MCF2L2: variants seen among roughly 807,000 people sequenced by gnomAD.
The protein encoded by MCF2L2 is MCF.2 cell line derived transforming sequence-like 2.
In MCF2L2, 102 loss-of-function variants were observed where a neutral mutation model predicts 150.2. That is an observed-to-expected ratio of 0.68 (90% CI 0.58 to 0.80). The LOEUF (loss-of-function observed/expected upper bound fraction) is 0.80, where lower values mean the gene tolerates loss of function less well. Among genes scored for constraint, MCF2L2 ranks in the 30% least tolerant of loss-of-function variants. The pLI is 0.00. For synonymous variants in MCF2L2, 465 were observed against 491.3 expected, an observed-to-expected ratio of 0.95 and a Z score of 0.71; for missense variants, 1,256 against 1,372.8, an observed-to-expected ratio of 0.91 and a Z score of 1.34.
At chr3:183,361,945 C>A (rs1195488653) in intron 3 of MCF2L2, among the ~76,000 whole-genome samples, 1 of 152,082 alleles carries the variant, frequency 6.6e-6, no homozygotes, top group Non-Finnish European at 1.5e-5. Flanking sequence ...GTTTCATGCA[C>A]AAAATTATTT....
chr3:183,193,514 C>A (rs962879416), intron 26 of MCF2L2, among the ~76,000 whole-genome samples: 1 of 152,078 alleles, frequency 6.6e-6, no homozygotes, highest in Non-Finnish European at 1.5e-5. Flanking sequence ...CCACACCCAG[C>A]TAATTTTTGT....
chr3:183,286,928 G>A (rs1727829066), intron 14 of MCF2L2, among the ~76,000 whole-genome samples: 2 of 152,204 alleles, frequency 1.3e-5, no homozygotes, highest in Admixed American at 1.3e-4. Context: ...TTGTAACATG[G>A]ACTTGTGCTT....
intron 2 of MCF2L2, among the ~76,000 whole-genome samples, chr3:183,387,435 T>G (rs956826558): frequency 6.6e-6 from 1 of 152,194 alleles, no homozygotes; most frequent in African/African-American, 2.4e-5. Flanking sequence ...GAGTGACAAT[T>G]ATCTCTATTC....
chr3:183,205,023 T>C (rs1279005280), intron 25 of MCF2L2, among the ~76,000 whole-genome samples: 1 of 152,228 alleles, frequency 6.6e-6, no homozygotes, highest in Non-Finnish European at 1.5e-5. Flanking sequence ...TACAGAATTT[T>C]TTTGTTGGGA....
chr3:183,395,378 T>G (rs1037709866), intron 1 of MCF2L2, among the ~76,000 whole-genome samples: 2 of 152,194 alleles, frequency 1.3e-5, no homozygotes, highest in African/African-American at 4.8e-5. Flanking sequence ...TGTGATATGT[T>G]TATGCACATA....
chr3:183,379,396 T>A lies in MCF2L2; in HGVS notation c.176A>T (p.Asp59Val), dbSNP rs1229135999. Reference sequence around the variant, plus strand: ...TGGGAACGTGATGATGGGGGCGCCATCCTCCCCTCGGCCTCCTGCAACAAA... The same window carrying A: ...TGGGAACGTGATGATGGGGGCGCCAACCTCCCCTCGGCCTCCTGCAACAAA... Reference protein sequence around the residue: ...FAILSGGRGEDGAPIITFPEF... With the variant: ...FAILSGGRGEVGAPIITFPEF... The change falls in exon 3 of 30, where the codon GAT becomes GTT. Residue 59 changes from aspartate (D) to valine (V), a missense_variant. Asp to Val is a radical substitution (Grantham distance 152, BLOSUM62 -3). Transcript: ENST00000328913. The A allele has an allele frequency of 6.2e-7, 1 of 1,609,926 alleles. No homozygotes were observed. The highest frequency in any genetic ancestry group is 8.5e-7 in the Non-Finnish European group (1 of 1,178,316).
At chr3:183,199,893 T>TG (rs1350144173) in intron 25 of MCF2L2, among the ~76,000 whole-genome samples, 3 of 151,710 alleles carry the variant, frequency 2.0e-5, no homozygotes, top group African/African-American at 4.8e-5. Context: ...TTTCTGTCCT[T>TG]GCGATAGTTT....
At chr3:183,188,968 C>T (rs1354873243) in intron 27 of MCF2L2, among the ~76,000 whole-genome samples, 1 of 141,088 alleles carries the variant, frequency 7.1e-6, no homozygotes, top group African/African-American at 2.5e-5. Flanking sequence ...AACTCTATCG[C>T]AAAAAAAAAA....
At chr3:183,262,485 A>T (rs1485964102) in intron 15 of MCF2L2, among the ~76,000 whole-genome samples, 1 of 152,076 alleles carries the variant, frequency 6.6e-6, no homozygotes. Flanking sequence ...GCATCAAAAT[A>T]TTATACTGAC....
At chr3:183,272,325 T>C in intron 15 of MCF2L2, 2 of 1,000,282 alleles carry the variant, frequency 2.0e-6, no homozygotes, top group South Asian at 4.7e-5. Flanking sequence ...AAATAATGAC[T>C]TCAGCAAGAG....
intron 4 of MCF2L2, among the ~76,000 whole-genome samples, chr3:183,339,737 TC>T (rs1196157501): frequency 5.3e-5 from 8 of 151,910 alleles, no homozygotes. Flanking sequence ...TTCCAGTGGT[TC>T]CCCCAAAGCA....
chr3:183,332,267 GTGAAA>G (rs1730304178), intron 5 of MCF2L2, among the ~76,000 whole-genome samples: 1 of 152,174 alleles, frequency 6.6e-6, no homozygotes, highest in Non-Finnish European at 1.5e-5. Context: ...TGTGCGTCAG[GTGAAA>G]TGGTTACTTA....
At chr3:183,359,286 C>T (rs1204984702) in intron 3 of MCF2L2, among the ~76,000 whole-genome samples, 2 of 152,216 alleles carry the variant, frequency 1.3e-5, no homozygotes, top group Non-Finnish European at 1.5e-5. Context: ...GTGCTCACTG[C>T]TTTCACAGAG....
chr3:183,323,639 A>T (rs187777678), intron 5 of MCF2L2, among the ~76,000 whole-genome samples: 16,863 of 149,782 alleles, frequency 0.11, 1,013 homozygotes, highest in Non-Finnish European at 0.14. Context: ...AAAAAAAATA[A>T]AAAAAAAAAT....
intron 14 of MCF2L2, among the ~76,000 whole-genome samples, chr3:183,277,377 A>G (rs966410678): frequency 1.3e-5 from 2 of 150,572 alleles, no homozygotes; most frequent in African/African-American, 2.4e-5. Context: ...CCCCTTAATC[A>G]TGAAGGGCTA....
At chr3:183,248,305 T>C (rs1724352186) in intron 15 of MCF2L2, among the ~76,000 whole-genome samples, 1 of 152,132 alleles carries the variant, frequency 6.6e-6, no homozygotes, top group Non-Finnish European at 1.5e-5. Context: ...TCAGATCACA[T>C]TAATTTATCA....
chr3:183,257,052 A>G (rs1458286879), intron 15 of MCF2L2, among the ~76,000 whole-genome samples: 1 of 152,224 alleles, frequency 6.6e-6, no homozygotes, highest in Non-Finnish European at 1.5e-5. Context: ...TCTAAAAAGA[A>G]AAAAACCTGA....
chr3:183,421,770 A>G (rs1310699407), intron 1 of MCF2L2, among the ~76,000 whole-genome samples: 1 of 152,222 alleles, frequency 6.6e-6, no homozygotes, highest in African/African-American at 2.4e-5. Flanking sequence ...AGCAACCATG[A>G]ATACTGATTC....
chr3:183,288,797 A>G (rs1194846479), intron 14 of MCF2L2, among the ~76,000 whole-genome samples: 1 of 152,110 alleles, frequency 6.6e-6, no homozygotes, highest in Non-Finnish European at 1.5e-5. Flanking sequence ...CTCTTTTTAT[A>G]CATGAACCAT....
Sources: gnomAD v4.1 joint callset for allele counts (sites outside exome capture counted in the v4.1 genomes callset) on GRCh38, gnomAD v4.1.1 for gene constraint, MANE v1.5 for transcripts, NCBI Gene and HGNC (gene_info 2026-07-23, HGNC 2026-07-21) for gene names.